EEPD1: variants seen among roughly 807,000 people sequenced by gnomAD.
EEPD1 encodes the protein endonuclease/exonuclease/phosphatase family domain-containing protein 1.
Under a neutral mutation model 46.3 loss-of-function variants are expected in EEPD1, and 17 were observed. The observed-to-expected ratio is 0.37, with a 90% CI of 0.25 to 0.55. The LOEUF (loss-of-function observed/expected upper bound fraction) is 0.55. Ranked by LOEUF, EEPD1 falls within the 20% of genes least tolerant of loss-of-function variation. The pLI, the probability that EEPD1 is intolerant of heterozygous loss-of-function variation, is 0.83. For synonymous variants in EEPD1, 313 were observed against 315.6 expected (o/e 0.99, Z 0.09); for missense variants, 673 against 745.6 (o/e 0.90, Z 1.13).
chr7:36,206,681 A>G (rs1369806846), intron 2 of EEPD1, among the ~76,000 whole-genome samples: 1 of 152,256 alleles, frequency 6.6e-6, no homozygotes, highest in South Asian at 2.1e-4. Context: ...GTTATAGGTA[A>G]TAAGAATTAT....
intron 2 of EEPD1, among the ~76,000 whole-genome samples, chr7:36,185,893 A>T (rs932176381): frequency 3.0e-4 from 46 of 152,334 alleles, no homozygotes; most frequent in African/African-American, 1.1e-3. Flanking sequence ...TTGTCATAAA[A>T]GTGTACAGCA....
At chr7:36,167,730 A>G (rs1329082735) in intron 2 of EEPD1, among the ~76,000 whole-genome samples, 1 of 151,960 alleles carries the variant, frequency 6.6e-6, no homozygotes, top group East Asian at 1.9e-4. Flanking sequence ...TATTATTATT[A>G]TTAGAGACAG....
chr7:36,186,536 C>T (rs191458409), intron 2 of EEPD1, among the ~76,000 whole-genome samples: 20 of 152,320 alleles, frequency 1.3e-4, no homozygotes, highest in Middle Eastern at 3.4e-3. Context: ...GCCACATTCT[C>T]CTATATAGTC....
intron 2 of EEPD1, among the ~76,000 whole-genome samples, chr7:36,218,346 A>G (rs930398571): frequency 6.6e-6 from 1 of 152,162 alleles, no homozygotes; most frequent in Non-Finnish European, 1.5e-5. Flanking sequence ...TAACAACAAT[A>G]ATAATAAAAT....
intron 6 of EEPD1, among the ~76,000 whole-genome samples, chr7:36,294,697 A>G (rs1787495736): frequency 6.6e-6 from 1 of 152,218 alleles, no homozygotes; most frequent in Admixed American, 6.5e-5. Flanking sequence ...ACTAAAAAGA[A>G]AATCAGTTCC....
At position 36,232,176 on chromosome 7, in the gene EEPD1, T is replaced by G. The variant is rs796257038; in HGVS notation, c.879-6809T>G. ...AAGCTATTCCATTTATGTTGCTGGT[T>G]TTTTTTTTTTTTTGGTTTTGTTTTG... is the stretch of plus-strand genomic sequence containing the variant. On this transcript the variant is annotated intron_variant, in intron 2 of 7. Transcript: ENST00000242108. Among the ~76,000 whole-genome samples, 655 of 144,554 alleles carry G rather than the reference T, an allele frequency of 4.5e-3. 3 individuals carry two copies. Among genetic ancestry groups the G allele is most frequent in the African/African-American group, 5.6e-3 (206 of 36,754 alleles). The allele number at this position is 144,554 out of a possible 152,430, so 94.8% of individuals were successfully genotyped here.
In EEPD1 at chr7:36,154,245, C is replaced by G. The variant is rs1415293869; in HGVS notation, c.-80C>G. On this transcript the variant is annotated 5_prime_UTR_variant, in exon 2 of 8. Coordinates refer to ENST00000242108, the MANE Select transcript of EEPD1 (RefSeq NM_030636.3). The surrounding 1 kb of genome is among the most constrained non-coding windows in gnomAD (Gnocchi z 4.2). ...CACCTTCCGTTTTTCTGTGCTTGTA[C>G]GGCCTACTGGGCTTCCTCCCTAGCC... 7 of 1,471,302 alleles carry G rather than the reference C, an allele frequency of 4.8e-6. No homozygotes were observed. Among genetic ancestry groups the G allele is most frequent in the Non-Finnish European group, 9.0e-7 (1 of 1,112,350 alleles). The allele number at this position is 1,471,302 out of a possible 1,614,324, so 91.1% of individuals were successfully genotyped here.
chr7:36,261,517 C>A (rs1405530010), intron 3 of EEPD1, among the ~76,000 whole-genome samples: 1 of 152,208 alleles, frequency 6.6e-6, no homozygotes, highest in African/African-American at 2.4e-5. Flanking sequence ...ATGCAATTTC[C>A]TGTCTTTTTC....
intron 2 of EEPD1, among the ~76,000 whole-genome samples, chr7:36,169,023 C>T (rs1244561893): frequency 2.0e-5 from 3 of 152,180 alleles, no homozygotes; most frequent in East Asian, 1.9e-4. Context: ...GAGGTTTATC[C>T]GTGGTGAAGT....
intron 3 of EEPD1, among the ~76,000 whole-genome samples, chr7:36,262,752 T>A (rs1387635475): frequency 6.6e-6 from 1 of 152,212 alleles, no homozygotes; most frequent in Non-Finnish European, 1.5e-5. Context: ...TCTGCCATTG[T>A]GCCTCTAAGT....
intron 3 of EEPD1, among the ~76,000 whole-genome samples, chr7:36,244,021 C>G (rs943666278): frequency 1.1e-4 from 16 of 151,702 alleles, no homozygotes; most frequent in African/African-American, 3.9e-4. Context: ...ACATTGTGCA[C>G]ATGTACCCTA....
At chr7:36,186,175 G>T (rs902910680) in intron 2 of EEPD1, among the ~76,000 whole-genome samples, 1 of 152,070 alleles carries the variant, frequency 6.6e-6, no homozygotes, top group Non-Finnish European at 1.5e-5. Context: ...TGGCACTCTG[G>T]CCCTCCCAGC....
intron 2 of EEPD1, among the ~76,000 whole-genome samples, chr7:36,219,564 G>A (rs1329682989): frequency 6.8e-6 from 1 of 146,748 alleles, no homozygotes; most frequent in Non-Finnish European, 1.5e-5. Flanking sequence ...GGGGAAGGGA[G>A]GGGAGAGAGA....
intron 2 of EEPD1, among the ~76,000 whole-genome samples, chr7:36,169,069 A>G (rs1785037099): frequency 2.0e-5 from 3 of 152,168 alleles, no homozygotes; most frequent in Admixed American, 2.0e-4. Flanking sequence ...TAATAGTTGA[A>G]TAATTTTCCA....
rs183614216 is a variant in EEPD1, at chr7:36,171,780, G to A, written c.878+16578G>A. Among the ~76,000 whole-genome samples, 10 of 152,244 alleles carry A rather than the reference G, an allele frequency of 6.6e-5. No homozygotes were observed. The East Asian group carries it at 1.4e-3, about 21-fold the overall frequency. Reference sequence around the variant, plus strand: ...ACTGCCTCTCACTCATTAATTGTAAGCTCTTCTCTGTAGTTAGTTTCAGCC... The same window carrying A: ...ACTGCCTCTCACTCATTAATTGTAAACTCTTCTCTGTAGTTAGTTTCAGCC... On this transcript the variant is annotated intron_variant, in intron 2 of 7. Coordinates refer to ENST00000242108, the MANE Select transcript of EEPD1 (RefSeq NM_030636.3).
chr7:36,239,840 G>A (rs1032631329), intron 3 of EEPD1, among the ~76,000 whole-genome samples: 8 of 152,192 alleles, frequency 5.3e-5, no homozygotes, highest in African/African-American at 1.9e-4. Flanking sequence ...GGGGAGTTCA[G>A]GACTCTTCCT....
intron 3 of EEPD1, among the ~76,000 whole-genome samples, chr7:36,277,153 G>A (rs374400948): frequency 2.0e-5 from 3 of 152,210 alleles, no homozygotes; most frequent in Non-Finnish European, 4.4e-5. Context: ...CAGTAGAGGG[G>A]GCCAGCCCCA....
chr7:36,258,072 A>G (rs1362163986), intron 3 of EEPD1, among the ~76,000 whole-genome samples: 1 of 152,032 alleles, frequency 6.6e-6, no homozygotes, highest in East Asian at 1.9e-4. Flanking sequence ...TTTGCTTGTA[A>G]TGTCAGGCCC....
rs140764529 is a variant in EEPD1 at position 36,225,882 on chromosome 7, T to C, written c.879-13103T>C. 7.4e-3 allele frequency among the ~76,000 whole-genome samples: 1,133 copies of C among 152,326 alleles called. 7 individuals are homozygous for C. The highest frequency in any genetic ancestry group is 0.026 in the African/African-American group (1,063 of 41,576). ...AGCCAATCAGAAAGACATTCTCAGA[T>C]GTGCAGGGGCTTAGGGAAGTATACA... is the stretch of plus-strand genomic sequence containing the variant. On this transcript the variant is annotated intron_variant, in intron 2 of 7. Coordinates refer to ENST00000242108, the MANE Select transcript of EEPD1 (RefSeq NM_030636.3). This position sits in a 1 kb window ranked among gnomAD's most constrained non-coding sequence, Gnocchi z 4.2.
Sources: gnomAD v4.1 joint callset for allele counts (sites outside exome capture counted in the v4.1 genomes callset) on GRCh38, gnomAD v4.1.1 for gene constraint, Gnocchi (gnomAD v3.1) non-coding constraint, MANE v1.5 for transcripts, NCBI Gene and HGNC (gene_info 2026-07-23, HGNC 2026-07-21) for gene names.